PRSS3: variants seen among roughly 807,000 people sequenced by gnomAD.
PRSS3 encodes the protein serine protease 3.
In PRSS3, 14 loss-of-function variants were observed where a neutral mutation model predicts 20.8. The observed-to-expected ratio is 0.67, with a 90% confidence interval of 0.44 to 1.05. PRSS3 has a LOEUF of 1.05. Among genes scored for constraint, PRSS3 ranks in the 50% least tolerant of loss-of-function variants. The pLI, the probability that PRSS3 is intolerant of heterozygous loss-of-function variation, is 0.00. For synonymous variants in PRSS3, 91 were observed against 117.6 expected (o/e 0.77, Z 1.46); for missense variants, 237 against 306.4 (o/e 0.77, Z 1.69).
At chr9:33,785,637 AT>A (rs1824371818) in intron 1 of PRSS3, among the ~76,000 whole-genome samples, 1 of 152,216 alleles carries the variant, frequency 6.6e-6, no homozygotes, top group African/African-American at 2.4e-5. Context: ...ATAAGAGACA[AT>A]GCATTTAATT....
chr9:33,784,171 T>C (rs771426673), intron 1 of PRSS3, among the ~76,000 whole-genome samples: 1 of 152,132 alleles, frequency 6.6e-6, no homozygotes, highest in Non-Finnish European at 1.5e-5. Context: ...GAGAGGGGAA[T>C]ATGTTTGCAG....
intron 1 of PRSS3, among the ~76,000 whole-genome samples, chr9:33,766,027 G>A (rs550807848): frequency 5.4e-4 from 82 of 152,180 alleles, no homozygotes; most frequent in Non-Finnish European, 1.2e-4. Context: ...CAGCACTTTG[G>A]GGGCCAAGGC....
At chr9:33,752,680 C>T (rs912246913) in intron 1 of PRSS3, among the ~76,000 whole-genome samples, 9 of 152,180 alleles carry the variant, frequency 5.9e-5, no homozygotes, top group Admixed American at 5.2e-4. Context: ...GCCCTCTCCC[C>T]GAAACCTTCA....
chr9:33,786,228 CT>C, intron 1 of PRSS3: 1 of 537,134 alleles, frequency 1.9e-6, no homozygotes, highest in South Asian at 2.2e-5. Context: ...AAGATGCTGT[CT>C]CCTGCTCCTT....
chr9:33,793,858 C>T (rs1341718145), upstream of PRSS3: 1 of 313,150 alleles, frequency 3.2e-6, no homozygotes, highest in Non-Finnish European at 4.6e-6. Flanking sequence ...AACTGTGAAA[C>T]TCAGCATAAC....
At chr9:33,754,044 T>C (rs566672729) in intron 1 of PRSS3, among the ~76,000 whole-genome samples, 1 of 151,920 alleles carries the variant, frequency 6.6e-6, no homozygotes, top group Non-Finnish European at 1.5e-5. Context: ...TTTTTTTTCT[T>C]TTCTTTTCTC....
intron 1 of PRSS3, among the ~76,000 whole-genome samples, chr9:33,752,919 T>C (rs1180237165): frequency 2.6e-5 from 4 of 152,254 alleles, no homozygotes; most frequent in Non-Finnish European, 5.9e-5. Flanking sequence ...AGCCATTATC[T>C]TGCTGGTTGT....
upstream of PRSS3, among the ~76,000 whole-genome samples, chr9:33,794,390 T>G (rs952455880): frequency 6.6e-6 from 1 of 152,160 alleles, no homozygotes; most frequent in African/African-American, 2.4e-5. Flanking sequence ...CATCTCCATC[T>G]CCACACTACT....
upstream of PRSS3, chr9:33,795,521 T>C (rs1243677624): frequency 1.5e-5 from 24 of 1,610,848 alleles, no homozygotes; most frequent in East Asian, 5.1e-4. Flanking sequence ...TCCTGATTCT[T>C]GGAAGGGTAT....
At chr9:33,786,629 A>G in intron 1 of PRSS3, 2 of 766,434 alleles carry the variant, frequency 2.6e-6, no homozygotes, top group Non-Finnish European at 4.8e-6. Context: ...CCAAGTCACC[A>G]TGATGTTCTG....
chr9:33,752,496 A>G (rs1822743527), intron 1 of PRSS3, among the ~76,000 whole-genome samples: 1 of 152,200 alleles, frequency 6.6e-6, no homozygotes, highest in African/African-American at 2.4e-5. Flanking sequence ...TGTGTCAACT[A>G]GTGGTACTTA....
chr9:33,764,908 G>C (rs973464880), intron 1 of PRSS3, among the ~76,000 whole-genome samples: 1 of 152,174 alleles, frequency 6.6e-6, no homozygotes, highest in African/African-American at 2.4e-5. Context: ...ATGAAAAGAT[G>C]CTCAACATCA....
chr9:33,765,715 T>A (rs542784612), intron 1 of PRSS3, among the ~76,000 whole-genome samples: 1 of 152,342 alleles, frequency 6.6e-6, no homozygotes, highest in South Asian at 2.1e-4. Flanking sequence ...ATTTAAAATT[T>A]CTAAATTATT....
chr9:33,795,990 G>A (rs1476304961), intron 1 of PRSS3, among the ~76,000 whole-genome samples: 1 of 152,246 alleles, frequency 6.6e-6, no homozygotes, highest in Non-Finnish European at 1.5e-5. Flanking sequence ...ACTCATGCCA[G>A]AGATTCAACT....
intron 1 of PRSS3, among the ~76,000 whole-genome samples, chr9:33,782,736 T>C (rs1270415820): frequency 6.6e-6 from 1 of 152,180 alleles, no homozygotes; most frequent in Non-Finnish European, 1.5e-5. Flanking sequence ...TGGCAAAAAT[T>C]TGGAGTCCCA....
At chr9:33,775,592 C>T (rs1823885468) in intron 1 of PRSS3, among the ~76,000 whole-genome samples, 1 of 152,012 alleles carries the variant, frequency 6.6e-6, no homozygotes, top group African/African-American at 2.4e-5. Context: ...ATAGAGAAGA[C>T]CTGAGAGAGC....
chr9:33,798,785 C>G (rs1825170281), intron 4 of PRSS3, 163 bp downstream of exon 4: 1 of 1,238,648 alleles, frequency 8.1e-7, no homozygotes, highest in Non-Finnish European at 1.1e-6. Context: ...TGCATTGCCC[C>G]CATGGAGAAA....
intron 1 of PRSS3, among the ~76,000 whole-genome samples, chr9:33,765,327 CTA>C (rs760316444): frequency 4.5e-4 from 68 of 152,306 alleles, no homozygotes; most frequent in Non-Finnish European, 8.2e-4. Flanking sequence ...TATATTAGAA[CTA>C]TATGTGTACT....
chr9:33,766,133 C>T (rs188175168), intron 1 of PRSS3, among the ~76,000 whole-genome samples: 1 of 151,938 alleles, frequency 6.6e-6, no homozygotes, highest in African/African-American at 2.4e-5. Context: ...GGCATACTGG[C>T]GAGCGTTTGT....
Sources: allele counts gnomAD v4.1 joint callset (sites outside exome capture counted in the v4.1 genomes callset), GRCh38; gene constraint gnomAD v4.1.1; transcripts MANE v1.5; gene names NCBI Gene and HGNC (gene_info 2026-07-23, HGNC 2026-07-21).